Variants in STAB1 observed in about 807,000 individuals in gnomAD.
STAB1 encodes the protein stabilin 1.
In STAB1, 250 loss-of-function variants were observed where a neutral mutation model predicts 332.4. The observed-to-expected ratio is 0.75, with a 90% CI of 0.68 to 0.84. The LOEUF (loss-of-function observed/expected upper bound fraction) is 0.84. STAB1 is among the 40% of genes least tolerant of loss of function. The pLI is 0.00. For synonymous variants in STAB1, 1,475 were observed against 1,390.4 expected (o/e 1.06, Z -1.35); for missense variants, 3,249 against 3,489.7 (o/e 0.93, Z 1.74).
At chr3:52,516,265 G>A (rs2078860568) in intron 38 of STAB1, 27 bp downstream of exon 38, 10 of 1,036,032 alleles carry the variant, frequency 9.7e-6, no homozygotes, top group African/African-American at 1.6e-5. Context: ...GGCGGGGGTG[G>A]GCCTCCTGGC....
At chr3:52,504,210 G>A in intron 10 of STAB1, 55 bp downstream of exon 10, 1 of 1,548,718 alleles carries the variant, frequency 6.5e-7, no homozygotes, top group Admixed American at 1.8e-5. Context: ...AGCACAGTTG[G>A]CAGGGAGGGA....
chr3:52,515,032 G>C lies in STAB1; in HGVS notation c.3851G>C (p.Gly1284Ala), dbSNP rs771711606. The stretch of plus-strand genomic sequence containing the variant: ...ACCAGGAGATTCCGCTGCACTCAGG[G>C]CTTCCAGCTGCAGGTGAGACTGGGC... ...NCTRRFRCTQ[G>A]FQLQDTPRKS... The change falls in exon 36 of 69, where the codon GGC becomes GCC. Residue 1284 changes from glycine (G) to alanine (A), a missense_variant. Physicochemically the swap from Gly to Ala is moderately conservative, Grantham distance 60. Coordinates refer to ENST00000321725, the MANE Select transcript of STAB1 (RefSeq NM_015136.3). The C allele has an allele frequency of 1.2e-5, 19 of 1,613,376 alleles. No individual in the cohort carries two copies. The highest frequency in any genetic ancestry group is 1.5e-5 in the Non-Finnish European group (18 of 1,180,020).
chr3:52,508,601 C>G (rs112321122), intron 21 of STAB1: 14 of 479,878 alleles, frequency 2.9e-5, no homozygotes, highest in African/African-American at 9.8e-5. Flanking sequence ...GCGGGCAGAT[C>G]ACTTGAGGTC....
rs775116681 is a variant in STAB1 at position 52,512,434 on chromosome 3, C to T, written c.2977C>T (p.Arg993Trp). The change falls in exon 27 of 69, where the codon CGG becomes TGG. Residue 993 changes from arginine to tryptophan, a missense_variant and splice_region_variant. Transcript: ENST00000321725. ...CTTCAGCTGTTATGGAGACATCTTC[C>T]GGGTAAGGGGTGCTCAGACTCGTTT... ...DGFSCYGDIF[R>W]ELEANAHFSI... 8.1e-6 allele frequency: 13 copies of T among 1,610,036 alleles called. No individual in the cohort carries two copies. The highest frequency in any genetic ancestry group is 5.5e-5 in the South Asian group (5 of 90,822).
At chr3:52,497,407 CTTTTTTTTTTTT>C (rs1200611448) in intron 1 of STAB1, among the ~76,000 whole-genome samples, 3 of 111,778 alleles carry the variant, frequency 2.7e-5, no homozygotes, top group Non-Finnish European at 5.2e-5. Flanking sequence ...AATTCGATGC[CTTTTTTTTTTTT>C]TTTTTTTTTT....
chr3:52,522,920 C>T lies in STAB1; in HGVS notation c.6890C>T (p.Ala2297Val). 1 of 1,613,284 alleles carries T rather than the reference C, an allele frequency of 6.2e-7. No homozygotes were observed. Among genetic ancestry groups the T allele is most frequent in the Non-Finnish European group, 8.5e-7 (1 of 1,179,956 alleles). ...ARKNLSERWD[A>V]YCFRVQDVAC... ...AAGAACCTCTCAGAACGCTGGGATG[C>T]CTACTGCTTCCGTGTGCAAGGTGTG... is the stretch of plus-strand genomic sequence containing the variant. Residue 2297 changes from alanine to valine, a missense_variant, in exon 62 of 69, where the codon GCC becomes GTC. By Grantham distance (64) the Ala-to-Val change is moderately conservative (BLOSUM62 0). Transcript: ENST00000321725.
At chr3:52,518,674 G>A in intron 47 of STAB1, 49 bp from the exon 48 acceptor site, 2 of 1,611,836 alleles carry the variant, frequency 1.2e-6, no homozygotes, top group Non-Finnish European at 1.7e-6. Flanking sequence ...GCCCTGCGTG[G>A]GCTGAGGCGG....
chr3:52,514,968 C>T, intron 35 of STAB1, 21 bp from the exon 36 acceptor site: 3 of 1,613,146 alleles, frequency 1.9e-6, no homozygotes, highest in Non-Finnish European at 2.5e-6. Context: ...CTGCCTGATG[C>T]CCCACCCTTT....
At position 52,522,871 on chromosome 3, in the gene STAB1, G is replaced by A; in HGVS notation, c.6841G>A (p.Gly2281Ser). The A allele has an allele frequency of 6.2e-7, 1 of 1,613,318 alleles. No homozygotes were observed. Among genetic ancestry groups the A allele is most frequent in the East Asian group, 2.2e-5 (1 of 44,878 alleles). Residue 2281 changes from glycine (G) to serine (S), a missense_variant, in exon 62 of 69, where the codon GGC becomes AGC. Gly to Ser is a moderately conservative substitution (Grantham distance 56). Coordinates refer to ENST00000321725, the MANE Select transcript of STAB1 (RefSeq NM_015136.3). The stretch of plus-strand genomic sequence containing the variant: ...GGCGGACTGTGGCAATGGTCGGGTG[G>A]GCATAGTCAGCCTGGGTGCCCGCAA... ...PVADCGNGRV[G>S]IVSLGARKNL...
chr3:52,506,656 C>G, intron 17 of STAB1, 36 bp from the exon 18 acceptor site: 2 of 1,577,444 alleles, frequency 1.3e-6, no homozygotes, highest in Non-Finnish European at 1.7e-6. Context: ...CAAGGCCAGC[C>G]AGGCTGGGGG....
At chr3:52,499,898 CAAAAAAAAAAAAA>C (rs4045133) in intron 1 of STAB1, among the ~76,000 whole-genome samples, 3 of 37,042 alleles carry the variant, frequency 8.1e-5, no homozygotes, top group Non-Finnish European at 1.3e-4. Flanking sequence ...GACTCCATCT[CAAAAAAAAAAAAA>C]AAAAAAAAAA....
In STAB1 at chr3:52,517,108, G is replaced by A; in HGVS notation, c.4488G>A (p.Gln1496=). Residue 1496 remains glutamine, a splice_region_variant and synonymous_variant, in exon 42 of 69, where the codon CAG becomes CAA. Coordinates refer to ENST00000321725, the MANE Select transcript of STAB1 (RefSeq NM_015136.3). The part of the protein sequence containing the change: ...DGYMGDGELC[Q]EINSCLIHHG... ...ACATGGGCGACGGGGAGCTGTGCCA[G>A]GGTGAGACTAGGCCCCTAACCTGGG... The A allele has an allele frequency of 1.9e-6, 3 of 1,546,170 alleles. No homozygotes were observed. Among genetic ancestry groups the A allele is most frequent in the Non-Finnish European group, 2.6e-6 (3 of 1,147,362 alleles).
rs756102350 is a variant in STAB1 at position 52,509,971 on chromosome 3, G to A, written c.2449G>A (p.Glu817Lys). ...TGGCTTCAGTGGCCGGTTCTGCAAC[G>A]AGTCCATGGGGGACTGTGGGCCCAC... Reference protein sequence around the residue: ...APGFSGRFCNESMGDCGPTGL... With the variant: ...APGFSGRFCNKSMGDCGPTGL... The change falls in exon 23 of 69, where the codon GAG becomes AAG. Residue 817 changes from glutamate to lysine, a missense_variant. By Grantham distance (56) the Glu-to-Lys change is moderately conservative. Coordinates refer to ENST00000321725, the MANE Select transcript of STAB1 (RefSeq NM_015136.3). 1.2e-6 allele frequency: 2 copies of A among 1,611,370 alleles called. No homozygotes were observed. Among genetic ancestry groups the A allele is most frequent in the Admixed American group, 1.7e-5 (1 of 59,926 alleles).
Position 52,517,530 on chromosome 3 carries a change from C to A in STAB1, c.4564-20C>A, listed in dbSNP as rs1559709840. ...CAGCTGTTGGCTCCCAGCAGCCCCACTGATCAAGACTGGGGACAGGTCTCC... is the reference window on the plus strand; with the variant it reads ...CAGCTGTTGGCTCCCAGCAGCCCCAATGATCAAGACTGGGGACAGGTCTCC... On this transcript the variant is annotated intron_variant, in intron 43 of 68. Transcript: ENST00000321725. 4 of 1,610,548 alleles carry A rather than the reference C, an allele frequency of 2.5e-6. No individual in the cohort carries two copies. Among genetic ancestry groups the A allele is most frequent in the Non-Finnish European group, 2.5e-6 (3 of 1,178,704 alleles).
Position 52,522,373 on chromosome 3 carries a change from G to A in STAB1, c.6509G>A (p.Gly2170Glu). The A allele has an allele frequency of 6.2e-7, 1 of 1,613,028 alleles. No individual in the cohort carries two copies. Among genetic ancestry groups the A allele is most frequent in the South Asian group, 1.1e-5 (1 of 91,090 alleles). ...TGCCACGCAGGCTACGTAGGCGATG[G>A]ACTGCAGTGTCTGGAGGAGTCGGAA... ...CECHAGYVGDGLQCLEESEPP... is the reference protein window; with the variant it reads ...CECHAGYVGDELQCLEESEPP... The change falls in exon 60 of 69, where the codon GGA (glycine) becomes GAA (glutamate). Residue 2170 changes from glycine to glutamate, a missense_variant. By Grantham distance (98) the Gly-to-Glu change is moderately conservative. Transcript: ENST00000321725.
At position 52,518,536 on chromosome 3, in the gene STAB1, G is replaced by A; in HGVS notation, c.4810G>A (p.Glu1604Lys). ...HASFFSLRLLEYKELKGDGPF... is the reference protein window; with the variant it reads ...HASFFSLRLLKYKELKGDGPF... ...CTCATGCTGTTGCTGCCTCCCGCAG[G>A]AATATAAGGAGCTCAAGGGCGATGG... The change falls in exon 47 of 69, where the codon GAA becomes AAA. Residue 1604 changes from glutamate to lysine, a missense_variant and splice_region_variant. Glu to Lys is a moderately conservative substitution (Grantham distance 56). Coordinates refer to ENST00000321725, the MANE Select transcript of STAB1 (RefSeq NM_015136.3). 6.3e-7 allele frequency: 1 copy of A among 1,585,490 alleles called. No individual in the cohort carries two copies. Among genetic ancestry groups the A allele is most frequent in the Non-Finnish European group, 8.6e-7 (1 of 1,165,298 alleles).
intron 30 of STAB1, 65 bp from the exon 31 acceptor site, chr3:52,513,652 G>A (rs915583428): frequency 5.8e-5 from 88 of 1,526,668 alleles, no homozygotes; most frequent in Non-Finnish European, 7.5e-5. Flanking sequence ...TCTCTGTTGG[G>A]GCTGCCCCAC....
intron 32 of STAB1, 24 bp from the exon 33 acceptor site, chr3:52,514,091 C>T: frequency 6.2e-7 from 1 of 1,611,746 alleles, no homozygotes; most frequent in Non-Finnish European, 8.5e-7. Context: ...ATATGCCCAT[C>T]CCTGACCTCC....
At chr3:52,521,219 C>A in intron 55 of STAB1, 142 bp from the exon 56 acceptor site, 1 of 1,286,808 alleles carries the variant, frequency 7.8e-7, no homozygotes, top group Non-Finnish European at 1.1e-6. Context: ...TCTGGATGTT[C>A]TCCAGGACAT....
Sources: gnomAD v4.1 joint callset for allele counts (sites outside exome capture counted in the v4.1 genomes callset) on GRCh38, gnomAD v4.1.1 for gene constraint, MANE v1.5 for transcripts, NCBI Gene and HGNC (gene_info 2026-07-23, HGNC 2026-07-21) for gene names.